SCAI: variants seen among roughly 807,000 people sequenced by gnomAD.
The protein encoded by SCAI is suppressor of cancer cell invasion.
Under a neutral mutation model 92.2 loss-of-function variants are expected in SCAI, and 24 were observed. The observed-to-expected ratio is 0.26, with a 90% confidence interval of 0.19 to 0.37. The LOEUF (loss-of-function observed/expected upper bound fraction) is 0.37. SCAI is among the 10% of genes least tolerant of loss of function. The probability of loss-of-function intolerance (pLI) is 1.00; values close to 1 mark genes in which losing one functional copy is unlikely to be tolerated. For missense variants in SCAI, 450 were observed against 736.2 expected, an observed-to-expected ratio of 0.61 and a Z score of 4.50; for synonymous variants, 261 against 258.6, an observed-to-expected ratio of 1.01 and a Z score of -0.09.
intron 2 of SCAI, among the ~76,000 whole-genome samples, chr9:125,093,771 G>C (rs1396664068): frequency 6.6e-6 from 1 of 151,772 alleles, no homozygotes; most frequent in Non-Finnish European, 1.5e-5. Flanking sequence ...TCACCATGTT[G>C]GCCAGGATGG....
chr9:125,042,633 G>A (rs372904037), intron 3 of SCAI, among the ~76,000 whole-genome samples: 18,225 of 79,826 alleles, frequency 0.23, 1,356 homozygotes, highest in East Asian at 0.28. Context: ...GTGTGTGTGT[G>A]TACACACACA....
rs71374222 is a variant in SCAI, at chr9:125,046,196, G to GATATATATATATATATATAT, written c.230+9660_230+9679dup. Among the ~76,000 whole-genome samples, 208 of 51,802 alleles carry GATATATATATATATATATAT rather than the reference G, an allele frequency of 4.0e-3. 5 individuals carry two copies. The highest frequency in any genetic ancestry group is 4.8e-3 in the Admixed American group (21 of 4,392). The allele number at this position is 51,802 out of a possible 152,430, so 34.0% of individuals were successfully genotyped here. On this transcript the variant is annotated intron_variant, in intron 3 of 17. Transcript: ENST00000336505. ...CAACAAGTGAATAAAGAAATTGTGA[G>GATATATATATATATATATAT]ATATATATATATATATATATATATA...
At chr9:124,989,992 T>C (rs377500188) in intron 14 of SCAI, among the ~76,000 whole-genome samples, 4 of 151,136 alleles carry the variant, frequency 2.6e-5, no homozygotes, top group Non-Finnish European at 5.9e-5. Context: ...CTGACCAACA[T>C]GGAGAAACCC....
At chr9:124,962,883 C>T (rs1831468675) in intron 17 of SCAI, among the ~76,000 whole-genome samples, 1 of 151,670 alleles carries the variant, frequency 6.6e-6, no homozygotes, top group South Asian at 2.1e-4. Flanking sequence ...ACTGCAACCT[C>T]CACCTCCCAG....
chr9:124,994,025 C>T (rs1832186839), intron 14 of SCAI, among the ~76,000 whole-genome samples: 1 of 150,508 alleles, frequency 6.6e-6, no homozygotes, highest in South Asian at 2.1e-4. Flanking sequence ...TAAAGTGTTT[C>T]ACTGCTGGCA....
rs531937632 is a variant in SCAI, at chr9:125,042,457, G to A, written c.231-12718C>T. On this transcript the variant is annotated intron_variant, in intron 3 of 17. Transcript: ENST00000336505. Reference sequence around the variant, plus strand: ...CGTACACCTAAAATCCAAGTCCAAGGGGCATCTTTCAGTCCCTTCTTTATC... The same window carrying A: ...CGTACACCTAAAATCCAAGTCCAAGAGGCATCTTTCAGTCCCTTCTTTATC... 2.9e-4 allele frequency among the ~76,000 whole-genome samples: 44 copies of A among 151,852 alleles called. No homozygotes were observed. In the South Asian group the frequency reaches 8.4e-3, roughly 29 times the overall value.
rs1438612429 is a variant in SCAI, at chr9:125,055,991, T to C, written c.115A>G (p.Lys39Glu). Residue 39 changes from lysine (K) to glutamate (E), a missense_variant, in exon 3 of 18, where the codon AAA becomes GAA. By Grantham distance (56) the Lys-to-Glu change is moderately conservative (BLOSUM62 1). Coordinates refer to ENST00000336505, the MANE Select transcript of SCAI (RefSeq NM_001144877.3). Reference sequence around the variant, plus strand: ...GCACCTCCAGAGGACATGATTTCTTTAAGAGCAAATTCAGTCCTGTAAGAA... The same window carrying C: ...GCACCTCCAGAGGACATGATTTCTTCAAGAGCAAATTCAGTCCTGTAAGAA... ...KRRSRTEFAL[K>E]EIMSSGGAED... is the part of the protein sequence containing the mutation. 2.8e-5 allele frequency: 45 copies of C among 1,608,738 alleles called. No individual in the cohort carries two copies. Among genetic ancestry groups the C allele is most frequent in the Non-Finnish European group, 3.8e-5 (45 of 1,177,066 alleles).
rs1409578528 is a variant in SCAI at position 125,032,771 on chromosome 9, G to A, written c.231-3032C>T. Among the ~76,000 whole-genome samples, 9 of 151,618 alleles carry A rather than the reference G, an allele frequency of 5.9e-5. No individual in the cohort carries two copies. The East Asian group carries it at 1.6e-3, about 26-fold the overall frequency. ...TGGGATTACAGGCGCCCGTCACCACGCCCGGTTAATTTTTGTATTTTTTTA... is the reference window on the plus strand; with the variant it reads ...TGGGATTACAGGCGCCCGTCACCACACCCGGTTAATTTTTGTATTTTTTTA... On this transcript the variant is annotated intron_variant, in intron 3 of 17. Transcript: ENST00000336505.
intron 14 of SCAI, among the ~76,000 whole-genome samples, chr9:124,983,633 G>A (rs543944287): frequency 2.0e-5 from 3 of 152,222 alleles, no homozygotes; most frequent in Non-Finnish European, 4.4e-5. Context: ...GATTACAGGC[G>A]TGAGCCACCG....
chr9:124,966,793 C>G (rs76589418), intron 17 of SCAI, among the ~76,000 whole-genome samples: 1 of 139,942 alleles, frequency 7.1e-6, no homozygotes, highest in Non-Finnish European at 1.5e-5. Context: ...TTTTTTTTTT[C>G]TAAGAGATAG....
intron 3 of SCAI, among the ~76,000 whole-genome samples, chr9:125,040,098 T>C (rs897282886): frequency 1.3e-5 from 2 of 152,186 alleles, no homozygotes; most frequent in African/African-American, 2.4e-5. Context: ...CTCACACCTA[T>C]AATCCCAGCA....
Position 125,056,048 on chromosome 9 carries a change from T to A in SCAI, c.99-41A>T, listed in dbSNP as rs767534674. 4 of 1,504,688 alleles carry A rather than the reference T, an allele frequency of 2.7e-6. No individual in the cohort carries two copies. In the Admixed American group the frequency reaches 6.6e-5, roughly 25 times the overall value. 93.2% of individuals were successfully genotyped at this position (1,504,688 alleles called of 1,614,324 possible). On this transcript the variant is annotated intron_variant, in intron 2 of 17. Coordinates refer to ENST00000336505, the MANE Select transcript of SCAI (RefSeq NM_001144877.3). ...TGTTCATTCATGCAGGAGGTAAAAATAAAAATAGAAAAAAACCTTAGTTAT... is the reference window on the plus strand; with the variant it reads ...TGTTCATTCATGCAGGAGGTAAAAAAAAAAATAGAAAAAAACCTTAGTTAT...
intron 2 of SCAI, among the ~76,000 whole-genome samples, chr9:125,104,315 C>T (rs570659473): frequency 6.6e-6 from 1 of 152,236 alleles, no homozygotes; most frequent in South Asian, 2.1e-4. Flanking sequence ...ACATGTTTCA[C>T]GGAGGTACCT....
rs1835725089 is a variant in SCAI at position 125,143,492 on chromosome 9, A to C, written c.-55T>G. 1 of 1,305,090 alleles carries C rather than the reference A, an allele frequency of 7.7e-7. No homozygotes were observed. The highest frequency in any genetic ancestry group is 1.5e-5 in the African/African-American group (1 of 64,564). The allele number at this position is 1,305,090 out of a possible 1,614,324, so 80.8% of individuals were successfully genotyped here. On this transcript the variant is annotated 5_prime_UTR_variant, in exon 1 of 18. Transcript: ENST00000336505. ...CCGGCGGCCGCAGGGCTCGCTCGGGAAGCTGAGGCGGCGGAGGCTGGAGTA... is the reference window on the plus strand; with the variant it reads ...CCGGCGGCCGCAGGGCTCGCTCGGGCAGCTGAGGCGGCGGAGGCTGGAGTA...
intron 17 of SCAI, among the ~76,000 whole-genome samples, chr9:124,957,424 G>A (rs58399807): frequency 0.049 from 7,298 of 149,802 alleles, 463 homozygotes; most frequent in East Asian, 0.24. Context: ...GTGCAGTGGT[G>A]CAATCTCGGC....
At chr9:125,060,006 C>A (rs1833741626) in intron 2 of SCAI, among the ~76,000 whole-genome samples, 1 of 152,148 alleles carries the variant, frequency 6.6e-6, no homozygotes, top group African/African-American at 2.4e-5. Context: ...CCTTGAAAAT[C>A]TAAATCTTTC....
chr9:125,060,672 G>A (rs894799545), intron 2 of SCAI, among the ~76,000 whole-genome samples: 1 of 152,056 alleles, frequency 6.6e-6, no homozygotes, highest in Non-Finnish European at 1.5e-5. Context: ...TTTTATCAGG[G>A]GTGTCCGCTT....
intron 2 of SCAI, among the ~76,000 whole-genome samples, chr9:125,068,197 C>G (rs1441681812): frequency 2.0e-5 from 3 of 152,098 alleles, no homozygotes; most frequent in Non-Finnish European, 2.9e-5. Flanking sequence ...AGTTTTTAAT[C>G]CAGCAAAACA....
intron 2 of SCAI, among the ~76,000 whole-genome samples, chr9:125,128,091 T>C (rs894911916): frequency 6.6e-6 from 1 of 151,802 alleles, no homozygotes; most frequent in African/African-American, 2.4e-5. Flanking sequence ...GGCAGAAGGA[T>C]TGCTTGAGGC....
Sources: allele counts gnomAD v4.1 joint callset (sites outside exome capture counted in the v4.1 genomes callset), GRCh38; gene constraint gnomAD v4.1.1; transcripts MANE v1.5; gene names NCBI Gene and HGNC (gene_info 2026-07-23, HGNC 2026-07-21).